GTF2A1: variants seen among roughly 807,000 people sequenced by gnomAD.
GTF2A1 encodes general transcription factor IIA subunit 1.
Under a neutral mutation model 54.1 loss-of-function variants are expected in GTF2A1, and 12 were observed. The observed-to-expected ratio is 0.22, with a 90% CI of 0.14 to 0.36. The LOEUF is 0.36. GTF2A1 is among the 10% of genes least tolerant of loss of function. The pLI, the probability that GTF2A1 is intolerant of heterozygous loss-of-function variation, is 1.00. For missense variants in GTF2A1, 335 were observed against 442.2 expected, an observed-to-expected ratio of 0.76 and a Z score of 2.17; for synonymous variants, 145 against 152.0, an observed-to-expected ratio of 0.95 and a Z score of 0.34.
At chr14:81,194,880 C>CG (rs1336118397) in intron 6 of GTF2A1, among the ~76,000 whole-genome samples, 1 of 152,206 alleles carries the variant, frequency 6.6e-6, no homozygotes, top group Non-Finnish European at 1.5e-5. Context: ...CAGTGGCTCA[C>CG]GCCCATAATC....
intron 4 of GTF2A1, among the ~76,000 whole-genome samples, chr14:81,200,996 AATATT>A (rs1893096611): frequency 6.6e-6 from 1 of 152,138 alleles, no homozygotes; most frequent in African/African-American, 2.4e-5. Context: ...TTTGTTGAGA[AATATT>A]ATATGTCTGA....
At chr14:81,184,203 A>C (rs985548121) in intron 8 of GTF2A1, among the ~76,000 whole-genome samples, 3 of 152,134 alleles carry the variant, frequency 2.0e-5, no homozygotes, top group African/African-American at 7.2e-5. Flanking sequence ...AAGACACTTA[A>C]AAGTATATTC....
intron 7 of GTF2A1, among the ~76,000 whole-genome samples, chr14:81,188,773 T>C (rs1250265814): frequency 3.1e-5 from 1 of 31,756 alleles, no homozygotes; most frequent in Non-Finnish European, 8.9e-5. Context: ...TGAGACTCTG[T>C]CTCGAAAAAA....
intron 7 of GTF2A1, among the ~76,000 whole-genome samples, chr14:81,186,950 C>T (rs1892761250): frequency 7.9e-6 from 1 of 125,790 alleles, no homozygotes; most frequent in African/African-American, 2.6e-5. Context: ...TCTATATCAA[C>T]AATAAGAACA....
At chr14:81,207,819 T>TTGCCGCTGCA (rs1893274724) in intron 2 of GTF2A1, among the ~76,000 whole-genome samples, 1 of 152,242 alleles carries the variant, frequency 6.6e-6, no homozygotes, top group African/African-American at 2.4e-5. Context: ...TGGCGGCATT[T>TTGCCGCTGCA]TGCCGCTGCC....
intron 2 of GTF2A1, among the ~76,000 whole-genome samples, chr14:81,206,584 C>T (rs770982732): frequency 2.6e-5 from 4 of 152,198 alleles, no homozygotes; most frequent in African/African-American, 4.8e-5. Context: ...CTAGACCCAA[C>T]ATCAGCATCA....
chr14:81,190,079 A>G (rs1892842048), intron 7 of GTF2A1, among the ~76,000 whole-genome samples: 1 of 152,154 alleles, frequency 6.6e-6, no homozygotes, highest in African/African-American at 2.4e-5. Context: ...AAAAGACAAT[A>G]TCATGATTAA....
chr14:81,188,633 C>A (rs560003045), intron 7 of GTF2A1, among the ~76,000 whole-genome samples: 1 of 151,720 alleles, frequency 6.6e-6, no homozygotes, highest in Non-Finnish European at 1.5e-5. Flanking sequence ...AAAAATTAGC[C>A]GGGCATGGTG....
chr14:81,213,748 A>C (rs1007590891), intron 2 of GTF2A1, among the ~76,000 whole-genome samples: 4 of 152,194 alleles, frequency 2.6e-5, no homozygotes, highest in Admixed American at 1.3e-4. Flanking sequence ...CACTATTAGT[A>C]ACCTGTAATT....
intron 6 of GTF2A1, among the ~76,000 whole-genome samples, chr14:81,194,186 G>T (rs1454677850): frequency 6.6e-6 from 1 of 152,246 alleles, no homozygotes. Flanking sequence ...GCAGCAGCAT[G>T]AGATTCTCAT....
At position 81,202,403 on chromosome 14, in the gene GTF2A1, C is replaced by CA. The variant is rs1363188090; in HGVS notation, c.338-746dup. Reference sequence around the variant, plus strand: ...CTTTTCTTCCAAATATGACAGCTGACAGACTCATGCCACTTTCATCAGCTG... The same window carrying CA: ...CTTTTCTTCCAAATATGACAGCTGACAAGACTCATGCCACTTTCATCAGCTG... On this transcript the variant is annotated intron_variant, in intron 3 of 8. Transcript: ENST00000553612. Among the ~76,000 whole-genome samples, 5 of 152,166 alleles carry CA rather than the reference C, an allele frequency of 3.3e-5. No individual in the cohort carries two copies. The East Asian group carries it at 9.6e-4, about 29-fold the overall frequency.
In GTF2A1 at chr14:81,220,484, CT is replaced by C; in HGVS notation, c.30+4del. 2 of 1,572,188 alleles carry C rather than the reference CT, an allele frequency of 1.3e-6. No homozygotes were observed. Among genetic ancestry groups the C allele is most frequent in the Non-Finnish European group, 1.7e-6 (2 of 1,158,088 alleles). The stretch of plus-strand genomic sequence containing the variant: ...CCCCCGCCGGCCACCGAACCACGTC[CT>C]TACCACGGTGTTTGTATTTGCCGAG... On this transcript the variant is annotated splice_donor_region_variant and intron_variant, in intron 1 of 8. Coordinates refer to ENST00000553612, the MANE Select transcript of GTF2A1 (RefSeq NM_015859.4).
intron 7 of GTF2A1, among the ~76,000 whole-genome samples, chr14:81,190,731 TAAG>T (rs766728172): frequency 7.9e-5 from 12 of 152,234 alleles, no homozygotes; most frequent in South Asian, 2.1e-4. Context: ...CTTTTCAGTT[TAAG>T]AAGAAGAGAA....
chr14:81,220,679 G>C lies in GTF2A1; in HGVS notation c.-161C>G. The stretch of plus-strand genomic sequence containing the variant: ...CAATCCTGAAGGAGTAGGGGAGAGC[G>C]GAGAGAGGAGGAGGAGGGGGGCACT... On this transcript the variant is annotated 5_prime_UTR_variant, in exon 1 of 9. Transcript: ENST00000553612. The C allele has an allele frequency of 2.3e-6, 1 of 435,208 alleles. No homozygotes were observed. Among genetic ancestry groups the C allele is most frequent in the South Asian group, 5.3e-5 (1 of 18,722 alleles). The allele number at this position is 435,208 out of a possible 1,614,324, so 27.0% of individuals were successfully genotyped here.
At chr14:81,204,429 ATTATCCT>A (rs1051662665) in intron 2 of GTF2A1, 3 of 369,952 alleles carry the variant, frequency 8.1e-6, no homozygotes, top group Non-Finnish European at 1.5e-5. Flanking sequence ...GTAATCAAAG[ATTATCCT>A]TTATAATAGC....
rs923198991 is a variant in GTF2A1 at position 81,179,339 on chromosome 14, C to G, written c.*884G>C. The G allele has an allele frequency of 6.6e-6, 1 of 152,170 alleles. No individual in the cohort carries two copies. Among genetic ancestry groups the G allele is most frequent in the East Asian group, 1.9e-4 (1 of 5,208 alleles). The allele number at this position is 152,170 out of a possible 1,614,324, so 9.4% of individuals were successfully genotyped here. A position where few individuals can be genotyped will look rare whatever the true frequency, so the allele number is the denominator to read the frequency against. Reference sequence around the variant, plus strand: ...TTTATAAGCACACACTTCAGCCCAACAGGAAAAGTCTACATATATTCATGT... The same window carrying G: ...TTTATAAGCACACACTTCAGCCCAAGAGGAAAAGTCTACATATATTCATGT... On this transcript the variant is annotated 3_prime_UTR_variant, in exon 9 of 9. Coordinates refer to ENST00000553612, the MANE Select transcript of GTF2A1 (RefSeq NM_015859.4).
rs1329358446 is a variant in GTF2A1, at chr14:81,220,524, CA to C, written c.-7del. The C allele has an allele frequency of 3.8e-6, 6 of 1,570,606 alleles. No homozygotes were observed. Among genetic ancestry groups the C allele is most frequent in the Non-Finnish European group, 5.2e-6 (6 of 1,157,230 alleles). On this transcript the variant is annotated 5_prime_UTR_variant, in exon 1 of 9. Coordinates refer to ENST00000553612, the MANE Select transcript of GTF2A1 (RefSeq NM_015859.4). ...GTATTTGCCGAGTTCGCCATTTCCA[CA>C]CACAACACAAACAAGAGGGGGCAAC...
At chr14:81,195,554 CCCAGCAAG>C (rs1490151491) in intron 6 of GTF2A1, among the ~76,000 whole-genome samples, 2 of 150,582 alleles carry the variant, frequency 1.3e-5, no homozygotes, top group African/African-American at 4.9e-5. Context: ...ATGGCATGAA[CCCAGCAAG>C]CAGAGGTTGC....
intron 1 of GTF2A1, among the ~76,000 whole-genome samples, chr14:81,216,921 G>A (rs1030009918): frequency 5.9e-5 from 9 of 152,092 alleles, no homozygotes; most frequent in Non-Finnish European, 8.8e-5. Context: ...TCTTATGTCC[G>A]GGAGTCATCT....
Sources: allele counts gnomAD v4.1 joint callset (sites outside exome capture counted in the v4.1 genomes callset), GRCh38; gene constraint gnomAD v4.1.1; transcripts MANE v1.5; gene names NCBI Gene and HGNC (gene_info 2026-07-23, HGNC 2026-07-21).